The following LRRC4C variants were observed in gnomAD, a reference collection of about 807,000 sequenced individuals.
LRRC4C encodes leucine rich repeat containing 4C.
LRRC4C carries 5 observed loss-of-function variants against 33.6 expected under a neutral mutation model. The ratio of observed to expected loss-of-function variants is 0.15; its 90% CI spans 0.08 to 0.31. The LOEUF (loss-of-function observed/expected upper bound fraction) is 0.31. LRRC4C is among the 10% of genes least tolerant of loss of function. LRRC4C has a pLI of 1.00. For synonymous variants in LRRC4C, 329 were observed against 302.0 expected, an observed-to-expected ratio of 1.09 and a Z score of -0.93; for missense variants, 560 against 796.7, an observed-to-expected ratio of 0.70 and a Z score of 3.58.
intron 1 of LRRC4C, among the ~76,000 whole-genome samples, chr11:41,120,323 T>C (rs890635550): frequency 6.6e-5 from 10 of 152,180 alleles, no homozygotes; most frequent in African/African-American, 2.4e-4. Context: ...GTTCCAGGCA[T>C]AGTATTCAGT....
At chr11:41,070,455 G>T (rs1380078934) in intron 1 of LRRC4C, among the ~76,000 whole-genome samples, 1 of 152,054 alleles carries the variant, frequency 6.6e-6, no homozygotes, top group Non-Finnish European at 1.5e-5. Flanking sequence ...CATAGCAAAA[G>T]AAACTATCAC....
intron 3 of LRRC4C, among the ~76,000 whole-genome samples, chr11:40,382,725 G>C (rs985832081): frequency 8.8e-6 from 1 of 113,298 alleles, no homozygotes; most frequent in African/African-American, 3.5e-5. Flanking sequence ...ACAGAGTCTC[G>C]CTCTGTCGCC....
At chr11:40,179,857 T>C (rs903568574) in intron 5 of LRRC4C, among the ~76,000 whole-genome samples, 3 of 152,270 alleles carry the variant, frequency 2.0e-5, no homozygotes, top group East Asian at 1.9e-4. Flanking sequence ...TAGTCGCATC[T>C]GGTTAGTAAC....
At chr11:40,876,901 C>CAAA (rs71060985) in intron 2 of LRRC4C, among the ~76,000 whole-genome samples, 5 of 98,816 alleles carry the variant, frequency 5.1e-5, no homozygotes, top group African/African-American at 1.5e-4. Flanking sequence ...GGCTCTTTCT[C>CAAA]AAAAAAAAAA....
chr11:40,260,563 TA>T (rs1279036755), intron 4 of LRRC4C, among the ~76,000 whole-genome samples: 1 of 150,574 alleles, frequency 6.6e-6, no homozygotes, highest in African/African-American at 2.4e-5. Context: ...AAAAAAAAAT[TA>T]AAAAAAATAC....
At chr11:41,301,529 A>C (rs887826328) in intron 1 of LRRC4C, among the ~76,000 whole-genome samples, 1 of 152,210 alleles carries the variant, frequency 6.6e-6, no homozygotes, top group Non-Finnish European at 1.5e-5. Flanking sequence ...AAGATAATTA[A>C]ATATTATAAT....
intron 3 of LRRC4C, among the ~76,000 whole-genome samples, chr11:40,542,781 A>T (rs1445841356): frequency 6.6e-6 from 1 of 152,042 alleles, no homozygotes; most frequent in Non-Finnish European, 1.5e-5. Context: ...CAGACCTCAC[A>T]CATTCTGGCT....
At chr11:41,188,897 A>G (rs1945818668) in intron 1 of LRRC4C, among the ~76,000 whole-genome samples, 1 of 120,492 alleles carries the variant, frequency 8.3e-6, no homozygotes, top group African/African-American at 3.3e-5. Context: ...ACAAAACAGG[A>G]CCTGCCCCCC....
rs573185891 is a variant in LRRC4C at position 40,837,267 on chromosome 11, C to T, written c.-407+96368G>A. ...TCATTTCAGGTTTCAAATCTTAATG[C>T]TATAGTTACTCAAAATCAATCCCCG... On this transcript the variant is annotated intron_variant, in intron 2 of 6. Coordinates refer to ENST00000528697, the MANE Select transcript of LRRC4C (RefSeq NM_001258419.2). 3.3e-5 allele frequency among the ~76,000 whole-genome samples: 5 copies of T among 152,068 alleles called. No homozygotes were observed. The East Asian group carries it at 7.7e-4, about 24-fold the overall frequency.
At chr11:41,273,080 T>G (rs985268195) in intron 1 of LRRC4C, among the ~76,000 whole-genome samples, 6 of 152,174 alleles carry the variant, frequency 3.9e-5, no homozygotes, top group Admixed American at 6.6e-5. Context: ...AATACGTATA[T>G]AAATAGCTAG....
At chr11:41,088,859 G>C (rs865976401) in intron 1 of LRRC4C, among the ~76,000 whole-genome samples, 1 of 152,008 alleles carries the variant, frequency 6.6e-6, no homozygotes, top group East Asian at 1.9e-4. Context: ...TTGAGGGCTT[G>C]ACTTGCAGAA....
At chr11:40,506,962 A>G (rs1446730087) in intron 3 of LRRC4C, among the ~76,000 whole-genome samples, 1 of 152,160 alleles carries the variant, frequency 6.6e-6, no homozygotes, top group Middle Eastern at 3.2e-3. Flanking sequence ...CACATAAAAC[A>G]TACAGGGTAA....
chr11:40,772,879 A>G (rs1949817042), intron 2 of LRRC4C, among the ~76,000 whole-genome samples: 1 of 152,196 alleles, frequency 6.6e-6, no homozygotes, highest in Admixed American at 6.5e-5. Context: ...AAATCAGTAT[A>G]TCAAAGAGAT....
intron 2 of LRRC4C, among the ~76,000 whole-genome samples, chr11:40,930,279 G>T (rs1267905788): frequency 6.6e-6 from 1 of 152,174 alleles, no homozygotes. Context: ...CTGGAGAGTA[G>T]AGACGCTGAT....
chr11:40,184,393 G>A (rs1323076752), intron 5 of LRRC4C, among the ~76,000 whole-genome samples: 5 of 152,228 alleles, frequency 3.3e-5, no homozygotes, highest in Non-Finnish European at 5.9e-5. Flanking sequence ...TCTTTTGAGC[G>A]GATTAGAGGG....
chr11:41,034,776 T>C (rs1276727277), intron 1 of LRRC4C, among the ~76,000 whole-genome samples: 1 of 149,418 alleles, frequency 6.7e-6, no homozygotes, highest in African/African-American at 2.4e-5. Flanking sequence ...TGCCACATCA[T>C]AGTTTTTGTT....
chr11:40,217,897 C>T (rs553138599), intron 5 of LRRC4C, among the ~76,000 whole-genome samples: 5 of 152,188 alleles, frequency 3.3e-5, no homozygotes, highest in Non-Finnish European at 7.4e-5. Flanking sequence ...AAACTACAGC[C>T]TTGCTTAAAC....
chr11:40,150,523 T>C (rs529016753), intron 5 of LRRC4C, among the ~76,000 whole-genome samples: 1 of 152,346 alleles, frequency 6.6e-6, no homozygotes, highest in South Asian at 2.1e-4. Context: ...AGCATGATCA[T>C]AGCTTACTAC....
chr11:40,276,678 T>A (rs1025515612), intron 4 of LRRC4C, among the ~76,000 whole-genome samples: 4 of 65,326 alleles, frequency 6.1e-5, no homozygotes, highest in African/African-American at 1.2e-4. Flanking sequence ...GAAACAAGTG[T>A]GTGTGTGTGT....
Sources: allele counts gnomAD v4.1 joint callset (sites outside exome capture counted in the v4.1 genomes callset), GRCh38; gene constraint gnomAD v4.1.1; transcripts MANE v1.5; gene names NCBI Gene and HGNC (gene_info 2026-07-23, HGNC 2026-07-21).